The following ASH1L variants were observed in gnomAD, a reference collection of about 807,000 sequenced individuals.
ASH1L encodes the protein histone-lysine N-methyltransferase ASH1L.
Under a neutral mutation model 269.0 loss-of-function variants are expected in ASH1L, and 23 were observed. That is an observed-to-expected ratio of 0.09 (90% CI 0.06 to 0.12). The LOEUF is 0.12. ASH1L is among the 10% of genes least tolerant of loss of function. The probability of loss-of-function intolerance (pLI) is 1.00; values close to 1 mark genes in which losing one functional copy is unlikely to be tolerated. For synonymous variants in ASH1L, 1,187 were observed against 1,253.5 expected, an observed-to-expected ratio of 0.95 and a Z score of 1.12; for missense variants, 2,912 against 3,567.8, an observed-to-expected ratio of 0.82 and a Z score of 4.68.
chr1:155,529,867 G>C (rs1188823121), intron 1 of ASH1L, among the ~76,000 whole-genome samples: 1 of 151,792 alleles, frequency 6.6e-6, no homozygotes, highest in Non-Finnish European at 1.5e-5. Context: ...TTAGTTCCAA[G>C]AAGGAGGTAC....
At chr1:155,375,073 C>CA (rs1656314006) in intron 10 of ASH1L, among the ~76,000 whole-genome samples, 1 of 152,120 alleles carries the variant, frequency 6.6e-6, no homozygotes, top group African/African-American at 2.4e-5. Context: ...CTCAGCCTCC[C>CA]AAAGTGTTGG....
At chr1:155,358,789 T>C (rs1654669560) in intron 13 of ASH1L, 1 of 151,816 alleles carries the variant, frequency 6.6e-6, no homozygotes, top group Non-Finnish European at 1.5e-5. Context: ...ATCATTCCAA[T>C]TTTAGTATAT....
At chr1:155,496,879 C>T (rs1191920381) in intron 2 of ASH1L, among the ~76,000 whole-genome samples, 1 of 151,882 alleles carries the variant, frequency 6.6e-6, no homozygotes, top group East Asian at 1.9e-4. Context: ...CTCCCGGGCT[C>T]GGGCAATTCT....
intron 4 of ASH1L, among the ~76,000 whole-genome samples, chr1:155,448,487 C>T (rs1663198097): frequency 6.6e-6 from 1 of 152,076 alleles, no homozygotes; most frequent in Admixed American, 6.6e-5. Context: ...GGTGCCACAC[C>T]ACCCAACTTT....
Position 155,562,492 on chromosome 1 carries a change from G to C in ASH1L, c.-439C>G, listed in dbSNP as rs1429244864. On this transcript the variant is annotated 5_prime_UTR_variant, in exon 1 of 28. Coordinates refer to ENST00000392403, the MANE Select transcript of ASH1L (RefSeq NM_018489.3). ...GCGGCGGCAGCTCCTCCAGAGGGAG[G>C]GAGCGAAGGGCGCCTAGCGCCCCCC... The C allele has an allele frequency of 1.3e-6, 2 of 1,486,930 alleles. No individual in the cohort carries two copies. Among genetic ancestry groups the C allele is most frequent in the African/African-American group, 1.4e-5 (1 of 71,924 alleles). The allele number at this position is 1,486,930 out of a possible 1,614,324, so 92.1% of individuals were successfully genotyped here.
intron 4 of ASH1L, among the ~76,000 whole-genome samples, chr1:155,453,175 C>G (rs1315216369): frequency 6.6e-6 from 1 of 151,686 alleles, no homozygotes; most frequent in Non-Finnish European, 1.5e-5. Flanking sequence ...GCTAACATGG[C>G]AAAACCCTGT....
At position 155,438,908 on chromosome 1, in the gene ASH1L, T is replaced by C; in HGVS notation, c.5247A>G (p.Pro1749=). ...TTCGGTCCTTGCTGTGGCTACGGCC[T>C]GGACTGGAAGAAGGTGGTGCAGAGG... is the stretch of plus-strand genomic sequence containing the variant. ...ATASAPPSSS[P]GRSHSKDRTL... Residue 1749 remains proline, a synonymous_variant, in exon 5 of 28, where the codon CCA becomes CCG. Transcript: ENST00000392403. 2 of 1,614,174 alleles carry C rather than the reference T, an allele frequency of 1.2e-6. No homozygotes were observed. The highest frequency in any genetic ancestry group is 1.7e-6 in the Non-Finnish European group (2 of 1,180,028).
chr1:155,469,452 G>A (rs1664931513), intron 3 of ASH1L, among the ~76,000 whole-genome samples: 1 of 151,980 alleles, frequency 6.6e-6, no homozygotes. Flanking sequence ...CAAAGTTCTG[G>A]GATTACAGGC....
Position 155,478,411 on chromosome 1 carries a change from G to A in ASH1L, c.4459C>T (p.His1487Tyr). The part of the protein sequence containing the change: ...WMVEHKHRHR[H>Y]KHREHRSSEQ... ...GAAGAACGGTGTTCTCTGTGTTTGT[G>A]ACGGTGCCTGTGTTTGTGCTCAACC... The change falls in exon 3 of 28, where the codon CAC becomes TAC. Residue 1487 changes from histidine (H) to tyrosine (Y), a missense_variant. By Grantham distance (83) the His-to-Tyr change is moderately conservative. This residue lies in a region of ASH1L where 789 missense variants were observed against 897.6 expected (regional missense o/e 0.88). Coordinates refer to ENST00000392403, the MANE Select transcript of ASH1L (RefSeq NM_018489.3). The surrounding 1 kb of genome is among the most constrained non-coding windows in gnomAD (Gnocchi z 4.6). The A allele has an allele frequency of 6.2e-7, 1 of 1,614,134 alleles. No homozygotes were observed.
At position 155,562,440 on chromosome 1, in the gene ASH1L, GGCGGCA is replaced by G; in HGVS notation, c.-393_-388del. 1 of 1,468,286 alleles carries G rather than the reference GGCGGCA, an allele frequency of 6.8e-7. No homozygotes were observed. Among genetic ancestry groups the G allele is most frequent in the Non-Finnish European group, 9.2e-7 (1 of 1,083,508 alleles). 91.0% of individuals were successfully genotyped at this position (1,468,286 alleles called of 1,614,324 possible). A position where few individuals can be genotyped will look rare whatever the true frequency, so the allele number is the denominator to read the frequency against. On this transcript the variant is annotated 5_prime_UTR_variant, in exon 1 of 28. Coordinates refer to ENST00000392403, the MANE Select transcript of ASH1L (RefSeq NM_018489.3). ...TGGCGGCGGGAGCGGCGGCGGCGGCGGCGGCAGCAGCAGAGTGGCGGCGGTGGCGGC... is the reference window on the plus strand; with the variant it reads ...TGGCGGCGGGAGCGGCGGCGGCGGCGGCAGCAGAGTGGCGGCGGTGGCGGC...
At chr1:155,397,641 C>T (rs1558062884) in intron 6 of ASH1L, among the ~76,000 whole-genome samples, 1 of 152,118 alleles carries the variant, frequency 6.6e-6, no homozygotes, top group Non-Finnish European at 1.5e-5. Context: ...AACTCTGCCT[C>T]CCAGGTTCAA....
chr1:155,466,116 A>G (rs1664678042), intron 3 of ASH1L, among the ~76,000 whole-genome samples: 1 of 152,178 alleles, frequency 6.6e-6, no homozygotes, highest in African/African-American at 2.4e-5. Context: ...GCACTTTGGA[A>G]GGCCGAGGCA....
rs1249326134 is a variant in ASH1L, at chr1:155,478,954, G to T, written c.3916C>A (p.Arg1306=). 1.2e-6 allele frequency: 2 copies of T among 1,613,652 alleles called. No individual in the cohort carries two copies. Among genetic ancestry groups the T allele is most frequent in the East Asian group, 4.5e-5 (2 of 44,882 alleles). The part of the protein sequence containing the change: ...SRLSEIRITH[R]SHHFIPRDLL... ...TCTCGGGGGATAAAATGATGACTTC[G>T]ATGAGTGATCCGAATTTCACTTAGG... Residue 1306 remains arginine (R), a synonymous_variant, in exon 3 of 28, where the codon CGA becomes AGA. Transcript: ENST00000392403. This position sits in a 1 kb window ranked among gnomAD's most constrained non-coding sequence, Gnocchi z 4.6.
intron 2 of ASH1L, among the ~76,000 whole-genome samples, chr1:155,485,164 G>T (rs1187950046): frequency 6.6e-6 from 1 of 151,012 alleles, no homozygotes; most frequent in African/African-American, 2.4e-5. Context: ...GCTGAAGCAG[G>T]AGAATCACTT....
At chr1:155,476,665 C>A (rs1215703941) in intron 3 of ASH1L, among the ~76,000 whole-genome samples, 1 of 151,646 alleles carries the variant, frequency 6.6e-6, no homozygotes, top group Non-Finnish European at 1.5e-5. Flanking sequence ...CATTCTCCTG[C>A]CTCAGCCTCC....
At chr1:155,485,890 G>C (rs957034092) in intron 2 of ASH1L, among the ~76,000 whole-genome samples, 4 of 150,724 alleles carry the variant, frequency 2.7e-5, no homozygotes, top group African/African-American at 7.3e-5. Context: ...TCTAACTCTA[G>C]TATCTTCACT....
chr1:155,369,394 C>G (rs977079869), intron 12 of ASH1L, among the ~76,000 whole-genome samples: 4 of 151,674 alleles, frequency 2.6e-5, no homozygotes, highest in Non-Finnish European at 4.4e-5. Context: ...TTGCAGTGAG[C>G]TGAGATCGCG....
intron 5 of ASH1L, among the ~76,000 whole-genome samples, chr1:155,419,974 T>C (rs746631003): frequency 6.6e-6 from 1 of 152,314 alleles, no homozygotes; most frequent in African/African-American, 2.4e-5. Flanking sequence ...TGTATTTGTA[T>C]GTTCTATCAA....
chr1:155,405,738 G>A lies in ASH1L; in HGVS notation c.6008+10006C>T, dbSNP rs137883528. On this transcript the variant is annotated intron_variant, in intron 6 of 27. Coordinates refer to ENST00000392403, the MANE Select transcript of ASH1L (RefSeq NM_018489.3). Reference sequence around the variant, plus strand: ...CCATCTGTTTGGGAGGCTGAGGCAGGAGAATCACCTGAACCTGGGAGGTGG... The same window carrying A: ...CCATCTGTTTGGGAGGCTGAGGCAGAAGAATCACCTGAACCTGGGAGGTGG... Among the ~76,000 whole-genome samples, 1,002 of 151,288 alleles carry A rather than the reference G, an allele frequency of 6.6e-3. 17 individuals carry two copies. The highest frequency in any genetic ancestry group is 0.023 in the African/African-American group (966 of 41,138).
Sources: gnomAD v4.1 joint callset for allele counts (sites outside exome capture counted in the v4.1 genomes callset) on GRCh38, gnomAD v4.1.1 for gene constraint, gnomAD v4.1.1 regional missense constraint, Gnocchi (gnomAD v3.1) non-coding constraint, MANE v1.5 for transcripts, NCBI Gene and HGNC (gene_info 2026-07-23, HGNC 2026-07-21) for gene names.